The following CRYM variants were observed in gnomAD, a reference collection of about 807,000 sequenced individuals.
CRYM encodes crystallin mu.
CRYM carries 18 observed loss-of-function variants against 32.9 expected under a neutral mutation model. The ratio of observed to expected loss-of-function variants is 0.55; its 90% CI spans 0.38 to 0.81. The LOEUF is 0.81. CRYM is among the 30% of genes least tolerant of loss of function. The probability of loss-of-function intolerance (pLI) is 0.00; values close to 1 mark genes in which losing one functional copy is unlikely to be tolerated. For missense variants in CRYM, 337 were observed against 393.5 expected (o/e 0.86, Z 1.21); for synonymous variants, 153 against 152.4 (o/e 1.00, Z -0.03).
In CRYM at chr16:21,262,156, C is replaced by T; in HGVS notation, c.676G>A (p.Val226Ile). ...CTCCAGTCAGGTCTGCTGGCTCCAA[C>T]AGCTAAGAGACAGCAAAACAGACCT... The part of the protein sequence containing the change: ...WVKPGAHINA[V>I]GASRPDWREL... The change falls in exon 6 of 8, where the codon GTT becomes ATT. Residue 226 changes from valine (V) to isoleucine (I), a missense_variant and splice_region_variant. Physicochemically the swap from Val to Ile is conservative, Grantham distance 29. Transcript: ENST00000572914. The T allele has an allele frequency of 6.2e-7, 1 of 1,614,066 alleles. No homozygotes were observed. The highest frequency in any genetic ancestry group is 1.6e-4 in the Middle Eastern group (1 of 6,062).
chr16:21,258,683 A>G lies in CRYM; in HGVS notation c.*98T>C. 2.0e-6 allele frequency: 2 copies of G among 1,000,448 alleles called. No homozygotes were observed. The highest frequency in any genetic ancestry group is 2.5e-5 in the South Asian group (2 of 78,556). The allele number at this position is 1,000,448 out of a possible 1,614,324, so 62.0% of individuals were successfully genotyped here. ...TAAAACATGATAAGCACAAAAGGAG[A>G]GTTCACTGGGGACTGGACTCCCTCA... On this transcript the variant is annotated 3_prime_UTR_variant, in exon 8 of 8. Coordinates refer to ENST00000572914, the MANE Select transcript of CRYM (RefSeq NM_001376256.1).
At chr16:21,278,312 G>A (rs1380528725), upstream of CRYM, 2 of 1,534,844 alleles carry the variant, frequency 1.3e-6, no homozygotes, top group Non-Finnish European at 1.7e-6. Flanking sequence ...CCTCGGCTGT[G>A]CCCTTTATGA....
chr16:21,293,640 A>G (rs1960719521), intron 1 of CRYM, among the ~76,000 whole-genome samples: 1 of 152,202 alleles, frequency 6.6e-6, no homozygotes, highest in Non-Finnish European at 1.5e-5. Flanking sequence ...TAGGGTAGCA[A>G]AGAGAAATAA....
chr16:21,276,969 A>G lies in CRYM; in HGVS notation c.324+462T>C, dbSNP rs545460811. Among the ~76,000 whole-genome samples, 3 of 152,318 alleles carry G rather than the reference A, an allele frequency of 2.0e-5. No homozygotes were observed. In the East Asian group the frequency reaches 5.8e-4, roughly 29 times the overall value. On this transcript the variant is annotated intron_variant, in intron 2 of 7. Coordinates refer to ENST00000572914, the MANE Select transcript of CRYM (RefSeq NM_001376256.1). ...GCATTATAAAAAGTACTCCATAAAC[A>G]CAAGCTACTGCTACCTTTTGAAACT...
intron 2 of CRYM, among the ~76,000 whole-genome samples, chr16:21,275,993 C>T (rs1414854574): frequency 6.6e-6 from 1 of 152,140 alleles, no homozygotes; most frequent in Non-Finnish European, 1.5e-5. Context: ...TGGACAACGG[C>T]CATGAAACTC....
chr16:21,292,136 A>G (rs1016464748), intron 1 of CRYM, among the ~76,000 whole-genome samples: 1 of 152,148 alleles, frequency 6.6e-6, no homozygotes, highest in Non-Finnish European at 1.5e-5. Flanking sequence ...AATGTCCATC[A>G]ACATGTGAAT....
Position 21,258,754 on chromosome 16 carries a change from T to C in CRYM, c.*27A>G. ...AACCAGCAGCAATATTCCTCAAGCA[T>C]CCATCTCAACATCAAGTTCCTTTGT... On this transcript the variant is annotated 3_prime_UTR_variant, in exon 8 of 8. Transcript: ENST00000572914. 1 of 1,595,258 alleles carries C rather than the reference T, an allele frequency of 6.3e-7. No individual in the cohort carries two copies. Among genetic ancestry groups the C allele is most frequent in the Non-Finnish European group, 8.6e-7 (1 of 1,162,918 alleles).
intron 5 of CRYM, among the ~76,000 whole-genome samples, chr16:21,265,425 T>C (rs1172851551): frequency 6.6e-6 from 1 of 152,186 alleles, no homozygotes; most frequent in Non-Finnish European, 1.5e-5. Flanking sequence ...GATAACCCTA[T>C]TGAAAACACC....
intron 1 of CRYM, among the ~76,000 whole-genome samples, chr16:21,290,646 A>G (rs1358524726): frequency 6.6e-6 from 1 of 152,166 alleles, no homozygotes; most frequent in Non-Finnish European, 1.5e-5. Context: ...CTCAGTCTTG[A>G]AGTCTTACAG....
intron 1 of CRYM, among the ~76,000 whole-genome samples, chr16:21,291,195 A>G (rs1960646138): frequency 6.6e-6 from 1 of 152,194 alleles, no homozygotes; most frequent in Non-Finnish European, 1.5e-5. Context: ...TAATACTTTT[A>G]AAAACTTTCT....
chr16:21,261,899 T>A, intron 6 of CRYM, 138 bp downstream of exon 6: 1 of 997,614 alleles, frequency 1.0e-6, no homozygotes, highest in Non-Finnish European at 1.5e-6. Flanking sequence ...GCAAAATGTT[T>A]AGGAGCTCCT....
chr16:21,290,496 C>A (rs1048799096), intron 1 of CRYM, among the ~76,000 whole-genome samples: 21 of 152,124 alleles, frequency 1.4e-4, no homozygotes, highest in African/African-American at 4.6e-4. Context: ...TAACACTCAC[C>A]GCAAGGGTCC....
intron 1 of CRYM, among the ~76,000 whole-genome samples, chr16:21,286,426 C>T (rs1189070884): frequency 6.6e-6 from 1 of 150,948 alleles, no homozygotes; most frequent in Non-Finnish European, 1.5e-5. Context: ...AGGATTTTGC[C>T]ATGTTGGCCA....
intron 1 of CRYM, among the ~76,000 whole-genome samples, chr16:21,286,381 C>G (rs2093407280): frequency 6.6e-6 from 1 of 150,840 alleles, no homozygotes; most frequent in African/African-American, 2.4e-5. Context: ...CCACGCCCAG[C>G]TAATTTTTTT....
At chr16:21,295,838 A>T (rs1960777107) in intron 1 of CRYM, among the ~76,000 whole-genome samples, 1 of 152,022 alleles carries the variant, frequency 6.6e-6, no homozygotes, top group African/African-American at 2.4e-5. Context: ...AGGCTGAGGG[A>T]GGAGAATCGC....
chr16:21,261,412 G>C (rs2093354193), intron 6 of CRYM, 74 bp from the exon 7 acceptor site: 5 of 1,025,092 alleles, frequency 4.9e-6, no homozygotes, highest in Non-Finnish European at 7.7e-6. Flanking sequence ...AGCCAGCCCA[G>C]GGAATTCCTG....
In CRYM at chr16:21,258,740, A is replaced by G. The variant is rs749420695; in HGVS notation, c.*41T>C. 8 of 1,541,640 alleles carry G rather than the reference A, an allele frequency of 5.2e-6. No individual in the cohort carries two copies. The East Asian group carries it at 1.3e-4, about 26-fold the overall frequency. ...CTAGAAATTATGAGAACCAGCAGCA[A>G]TATTCCTCAAGCATCCATCTCAACA... On this transcript the variant is annotated 3_prime_UTR_variant, in exon 8 of 8. Coordinates refer to ENST00000572914, the MANE Select transcript of CRYM (RefSeq NM_001376256.1).
At chr16:21,278,442 TGGG>T (rs1597622295), upstream of CRYM, 13 of 640,616 alleles carry the variant, frequency 2.0e-5, no homozygotes, top group East Asian at 3.6e-4. Flanking sequence ...CCCCTAAGGG[TGGG>T]CGAGATGGGT....
chr16:21,272,487 T>C (rs2093377637), intron 3 of CRYM, among the ~76,000 whole-genome samples: 1 of 152,140 alleles, frequency 6.6e-6, no homozygotes, highest in Non-Finnish European at 1.5e-5. Context: ...TGCCATACGA[T>C]GCTAGGCTGC....
Sources: gnomAD v4.1 joint callset for allele counts (sites outside exome capture counted in the v4.1 genomes callset) on GRCh38, gnomAD v4.1.1 for gene constraint, MANE v1.5 for transcripts, NCBI Gene and HGNC (gene_info 2026-07-23, HGNC 2026-07-21) for gene names.